The following ZNF441 variants were observed in gnomAD, a reference collection of about 807,000 sequenced individuals.
ZNF441 encodes the protein zinc finger protein 441.
Under a neutral mutation model 64.5 loss-of-function variants are expected in ZNF441, and 25 were observed. The ratio of observed to expected loss-of-function variants is 0.39; its 90% CI spans 0.28 to 0.54. ZNF441 has a LOEUF of 0.54. ZNF441 is among the 20% of genes least tolerant of loss of function. The pLI is 0.70. For missense variants in ZNF441, 715 were observed against 843.3 expected (o/e 0.85, Z 1.88); for synonymous variants, 262 against 268.0 (o/e 0.98, Z 0.22).
intron 1 of ZNF441, among the ~76,000 whole-genome samples, chr19:11,774,353 G>A (rs1038049440): frequency 1.3e-5 from 2 of 152,186 alleles, no homozygotes; most frequent in Admixed American, 6.5e-5. Context: ...GTGTGTGGGT[G>A]TGTGATCCAA....
intron 1 of ZNF441, 135 bp from the exon 2 acceptor site, chr19:11,777,476 G>A (rs1975364300): frequency 2.1e-6 from 2 of 931,876 alleles, no homozygotes; most frequent in Admixed American, 5.6e-5. Context: ...TGTAAAGAGA[G>A]AATAAGAGTG....
chr19:11,767,100 A>T lies in ZNF441; in HGVS notation c.-94A>T, dbSNP rs749120778. 5.6e-5 allele frequency: 86 copies of T among 1,542,898 alleles called. No homozygotes were observed. The highest frequency in any genetic ancestry group is 7.0e-5 in the Non-Finnish European group (80 of 1,139,780). On this transcript the variant is annotated 5_prime_UTR_variant, in exon 1 of 4. Coordinates refer to ENST00000357901, the MANE Select transcript of ZNF441 (RefSeq NM_152355.3). The surrounding 1 kb of genome is among the most constrained non-coding windows in gnomAD (Gnocchi z 5.1). ...GGGCTCCGGGTTCTGTCACTGAGAGACGCCCTGGAACGTCTGTGGCAGCTT... is the reference window on the plus strand; with the variant it reads ...GGGCTCCGGGTTCTGTCACTGAGAGTCGCCCTGGAACGTCTGTGGCAGCTT...
In ZNF441 at chr19:11,780,976, A is replaced by G. The variant is rs766905119; in HGVS notation, c.1152A>G (p.Thr384=). The G allele has an allele frequency of 1.2e-5, 19 of 1,613,892 alleles. No individual in the cohort carries two copies. The highest frequency in any genetic ancestry group is 3.3e-5 in the Admixed American group (2 of 59,996). Residue 384 remains threonine (T), a synonymous_variant, in exon 4 of 4, where the codon ACA becomes ACG. Transcript: ENST00000357901. Reference sequence around the variant, plus strand: ...CCAGTTTATGTCGAAGGCATGAAACAACTCATACTGGGGAGAAACCCTATA... The same window carrying G: ...CCAGTTTATGTCGAAGGCATGAAACGACTCATACTGGGGAGAAACCCTATA... ...DSPSLCRRHE[T]THTGEKPYKC... is the part of the protein sequence containing the mutation.
At position 11,781,335 on chromosome 19, in the gene ZNF441, A is replaced by G. The variant is rs1568482071; in HGVS notation, c.1511A>G (p.Lys504Arg). 6.2e-7 allele frequency: 1 copy of G among 1,613,904 alleles called. No individual in the cohort carries two copies. Among genetic ancestry groups the G allele is most frequent in the Non-Finnish European group, 8.5e-7 (1 of 1,179,968 alleles). ...ATGCACACTGGAGATGGACCTCATA[A>G]ATGTAAGATATGTGGGAAAAGCTTT... ...MIMHTGDGPH[K>R]CKICGKSFDS... Residue 504 changes from lysine (K) to arginine (R), a missense_variant, in exon 4 of 4, where the codon AAA (lysine) becomes AGA (arginine). Lys to Arg is a conservative substitution (Grantham distance 26). Transcript: ENST00000357901.
intron 1 of ZNF441, among the ~76,000 whole-genome samples, chr19:11,774,858 C>A (rs138183487): frequency 1.3e-5 from 2 of 152,252 alleles, no homozygotes; most frequent in Non-Finnish European, 2.9e-5. Flanking sequence ...TGTTGTAAAG[C>A]AGACATTTGA....
At chr19:11,768,153 C>T (rs1053557057) in intron 1 of ZNF441, among the ~76,000 whole-genome samples, 10 of 152,142 alleles carry the variant, frequency 6.6e-5, no homozygotes, top group Non-Finnish European at 1.3e-4. Context: ...CATCCTAACT[C>T]CTCCTAGGGC....
chr19:11,767,329 G>A lies in ZNF441; in HGVS notation c.3+133G>A. On this transcript the variant is annotated intron_variant, in intron 1 of 3. Coordinates refer to ENST00000357901, the MANE Select transcript of ZNF441 (RefSeq NM_152355.3). This position sits in a 1 kb window ranked among gnomAD's most constrained non-coding sequence, Gnocchi z 5.1. Reference sequence around the variant, plus strand: ...CGCAGCTCGGCCCTCGGTTCCCTCGGCCGCACGATGGGGCTGGGGCGGCAG... The same window carrying A: ...CGCAGCTCGGCCCTCGGTTCCCTCGACCGCACGATGGGGCTGGGGCGGCAG... The A allele has an allele frequency of 7.1e-7, 1 of 1,406,998 alleles. No individual in the cohort carries two copies. The highest frequency in any genetic ancestry group is 1.3e-5 in the South Asian group (1 of 77,416). The allele number at this position is 1,406,998 out of a possible 1,614,324, so 87.2% of individuals were successfully genotyped here. A position where few individuals can be genotyped will look rare whatever the true frequency, so the allele number is the denominator to read the frequency against.
chr19:11,771,764 C>T (rs920465658), intron 1 of ZNF441, among the ~76,000 whole-genome samples: 11 of 152,308 alleles, frequency 7.2e-5, no homozygotes, highest in Admixed American at 2.6e-4. Flanking sequence ...CCAGGCGGTC[C>T]GTGGTCTAGC....
intron 1 of ZNF441, among the ~76,000 whole-genome samples, chr19:11,776,660 A>T (rs1275208367): frequency 6.6e-6 from 1 of 152,206 alleles, no homozygotes; most frequent in African/African-American, 2.4e-5. Context: ...TATCCTTATT[A>T]GTCTTTTGTC....
Position 11,780,894 on chromosome 19 carries a change from C to T in ZNF441, c.1070C>T (p.Thr357Met), listed in dbSNP as rs991971159. Residue 357 changes from threonine to methionine, a missense_variant, in exon 4 of 4, where the codon ACG becomes ATG. This residue lies in a region of ZNF441 where 316 missense variants were observed against 429.3 expected (regional missense o/e 0.74). Coordinates refer to ENST00000357901, the MANE Select transcript of ZNF441 (RefSeq NM_152355.3). ...DCTGFRRHMI[T>M]HTGDGPHKCK... is the part of the protein sequence containing the mutation. The stretch of plus-strand genomic sequence containing the variant: ...ACAGGTTTTCGAAGACACATGATAA[C>T]GCACACTGGAGATGGACCTCATAAA... 12 of 1,613,706 alleles carry T rather than the reference C, an allele frequency of 7.4e-6. No individual in the cohort carries two copies. The highest frequency in any genetic ancestry group is 1.7e-5 in the Admixed American group (1 of 59,956).
chr19:11,777,122 T>C (rs1420858837), intron 1 of ZNF441, among the ~76,000 whole-genome samples: 1 of 152,236 alleles, frequency 6.6e-6, no homozygotes, highest in Non-Finnish European at 1.5e-5. Context: ...AGAGTGTTTT[T>C]TTCATGGCTT....
rs188167283 is a variant in ZNF441, at chr19:11,780,895, G to T, written c.1071G>T (p.Thr357=). The T allele has an allele frequency of 3.1e-6, 5 of 1,613,896 alleles. No individual in the cohort carries two copies. Among genetic ancestry groups the T allele is most frequent in the Middle Eastern group, 1.7e-4 (1 of 6,060 alleles). The change falls in exon 4 of 4, where the codon ACG becomes ACT. Residue 357 remains threonine, a synonymous_variant. Coordinates refer to ENST00000357901, the MANE Select transcript of ZNF441 (RefSeq NM_152355.3). The stretch of plus-strand genomic sequence containing the variant: ...CAGGTTTTCGAAGACACATGATAAC[G>T]CACACTGGAGATGGACCTCATAAAT... The part of the protein sequence containing the change: ...DCTGFRRHMI[T]HTGDGPHKCK...
At chr19:11,769,367 G>T (rs1312405044) in intron 1 of ZNF441, among the ~76,000 whole-genome samples, 1 of 152,126 alleles carries the variant, frequency 6.6e-6, no homozygotes, top group Non-Finnish European at 1.5e-5. Context: ...TTGTATCACT[G>T]CCTGGCAATA....
Sources: allele counts gnomAD v4.1 joint callset (sites outside exome capture counted in the v4.1 genomes callset), GRCh38; gene constraint gnomAD v4.1.1; regional missense constraint gnomAD v4.1.1; non-coding constraint Gnocchi (gnomAD v3.1); transcripts MANE v1.5; gene names NCBI Gene and HGNC (gene_info 2026-07-23, HGNC 2026-07-21).